Variants in PIK3R5 observed in about 807,000 individuals in gnomAD.
PIK3R5 encodes phosphoinositide-3-kinase regulatory subunit 5.
PIK3R5 carries 32 observed loss-of-function variants against 94.9 expected under a neutral mutation model. That is an observed-to-expected ratio of 0.34 (90% confidence interval 0.25 to 0.45). The LOEUF (loss-of-function observed/expected upper bound fraction) is 0.45. Ranked by LOEUF, PIK3R5 falls within the 20% of genes least tolerant of loss-of-function variation. PIK3R5 has a pLI of 1.00. For missense variants in PIK3R5, 853 were observed against 1,144.6 expected, an observed-to-expected ratio of 0.75 and a Z score of 3.68; for synonymous variants, 443 against 479.4, an observed-to-expected ratio of 0.92 and a Z score of 0.99.
intron 1 of PIK3R5, among the ~76,000 whole-genome samples, chr17:8,964,292 G>A (rs927810910): frequency 6.6e-6 from 1 of 151,960 alleles, no homozygotes; most frequent in South Asian, 2.1e-4. Flanking sequence ...CTTGGGAGGC[G>A]GAGGCGGAGG....
Position 8,893,438 on chromosome 17 carries a change from A to G in PIK3R5, c.482+148T>C, listed in dbSNP as rs940385189. 6.1e-6 allele frequency: 4 copies of G among 657,326 alleles called. No homozygotes were observed. In the African/African-American group the frequency reaches 7.2e-5, roughly 12 times the overall value. The allele number at this position is 657,326 out of a possible 1,614,324, so 40.7% of individuals were successfully genotyped here. A position where few individuals can be genotyped will look rare whatever the true frequency, so the allele number is the denominator to read the frequency against. On this transcript the variant is annotated intron_variant, in intron 6 of 18. Transcript: ENST00000447110. This position sits in a 1 kb window ranked among gnomAD's most constrained non-coding sequence, Gnocchi z 5.1. ...TCACCAGCAGTGCCAGGGGGTTCCC[A>G]GTTCCCTGGAAGCCTGTTTGTTGCT... is the stretch of plus-strand genomic sequence containing the variant.
rs2089644671 is a variant in PIK3R5, at chr17:8,881,054, C to A, written c.2383-37G>T. 2 of 1,447,042 alleles carry A rather than the reference C, an allele frequency of 1.4e-6. No individual in the cohort carries two copies. Among genetic ancestry groups the A allele is most frequent in the Non-Finnish European group, 1.9e-6 (2 of 1,027,266 alleles). 89.6% of individuals were successfully genotyped at this position (1,447,042 alleles called of 1,614,324 possible). A position where few individuals can be genotyped will look rare whatever the true frequency, so the allele number is the denominator to read the frequency against. ...GCCCAGGTCAGCCCCAAATCCCTGG[C>A]CATCCAACACTGCCAGCCCCTGGCA... On this transcript the variant is annotated intron_variant, in intron 17 of 18. Transcript: ENST00000447110. This position sits in a 1 kb window ranked among gnomAD's most constrained non-coding sequence, Gnocchi z 4.8.
chr17:8,954,192 C>A (rs1336439952), intron 1 of PIK3R5, among the ~76,000 whole-genome samples: 1 of 152,214 alleles, frequency 6.6e-6, no homozygotes, highest in Non-Finnish European at 1.5e-5. Context: ...ACATTAGACT[C>A]AGAGGGAGGG....
rs2151399193 is a variant in PIK3R5, at chr17:8,904,649, C to T, written c.412+128G>A. 1.1e-6 allele frequency: 1 copy of T among 875,770 alleles called. No homozygotes were observed. Among genetic ancestry groups the T allele is most frequent in the African/African-American group, 1.7e-5 (1 of 60,032 alleles). 54.2% of individuals were successfully genotyped at this position (875,770 alleles called of 1,614,324 possible). ...GAAGAGGAGACTCCATGTTTGTGAA[C>T]CAAGGCGTTGGCAGAGATGAATCAA... is the stretch of plus-strand genomic sequence containing the variant. On this transcript the variant is annotated intron_variant, in intron 5 of 18. Coordinates refer to ENST00000447110, the MANE Select transcript of PIK3R5 (RefSeq NM_001142633.3). The surrounding 1 kb of genome is among the most constrained non-coding windows in gnomAD (Gnocchi z 5.1).
chr17:8,893,707 G>A lies in PIK3R5; in HGVS notation c.413-52C>T, dbSNP rs780634854. 24 of 1,390,570 alleles carry A rather than the reference G, an allele frequency of 1.7e-5. No homozygotes were observed. The highest frequency in any genetic ancestry group is 8.5e-5 in the African/African-American group (6 of 70,522). 86.1% of individuals were successfully genotyped at this position (1,390,570 alleles called of 1,614,324 possible). On this transcript the variant is annotated intron_variant, in intron 5 of 18. Transcript: ENST00000447110. This position sits in a 1 kb window ranked among gnomAD's most constrained non-coding sequence, Gnocchi z 5.1. ...TGGGCTGATCAGTTCCTTCAGCATCGTCCGTGTGCCTCGTGGGGAGCCAAG... is the reference window on the plus strand; with the variant it reads ...TGGGCTGATCAGTTCCTTCAGCATCATCCGTGTGCCTCGTGGGGAGCCAAG...
In PIK3R5 at chr17:8,884,949, G is replaced by A. The variant is rs770182825; in HGVS notation, c.2129-166C>T. The A allele has an allele frequency of 6.3e-5, 39 of 618,226 alleles. No individual in the cohort carries two copies. The highest frequency in any genetic ancestry group is 1.0e-4 in the Non-Finnish European group (36 of 343,136). The allele number at this position is 618,226 out of a possible 1,614,324, so 38.3% of individuals were successfully genotyped here. A position where few individuals can be genotyped will look rare whatever the true frequency, so the allele number is the denominator to read the frequency against. ...GCCCTGCCTCTCTCTCTGGCTCCAC[G>A]TTCTGGGGATCTCCACCTCCTCAGT... On this transcript the variant is annotated intron_variant, in intron 14 of 18. Transcript: ENST00000447110. The surrounding 1 kb of genome is among the most constrained non-coding windows in gnomAD (Gnocchi z 5.8).
rs575396732 is a variant in PIK3R5, at chr17:8,905,591, G to A, written c.273+78C>T. 20 of 1,041,500 alleles carry A rather than the reference G, an allele frequency of 1.9e-5. 1 individual carries two copies. The South Asian group carries it at 2.5e-4, about 13-fold the overall frequency. 64.5% of individuals were successfully genotyped at this position (1,041,500 alleles called of 1,614,324 possible). On this transcript the variant is annotated intron_variant, in intron 4 of 18. Coordinates refer to ENST00000447110, the MANE Select transcript of PIK3R5 (RefSeq NM_001142633.3). ...TCTCTCTCTGCTTATCTCCAGAGGT[G>A]TGAGGGCTCTGCCCCAGATAGAGGT... is the stretch of plus-strand genomic sequence containing the variant.
intron 1 of PIK3R5, among the ~76,000 whole-genome samples, chr17:8,942,737 C>G (rs1367933836): frequency 6.6e-6 from 1 of 152,098 alleles, no homozygotes; most frequent in Non-Finnish European, 1.5e-5. Flanking sequence ...TCCTGAGTAG[C>G]TGGGACTACA....
chr17:8,934,121 A>T (rs971298118), intron 1 of PIK3R5, among the ~76,000 whole-genome samples: 2 of 152,208 alleles, frequency 1.3e-5, no homozygotes, highest in African/African-American at 2.4e-5. Context: ...ACACGTATAT[A>T]TCAGGGAGGA....
intron 14 of PIK3R5, chr17:8,885,221 C>G (rs968598178): frequency 1.3e-5 from 3 of 225,694 alleles, no homozygotes; most frequent in African/African-American, 4.7e-5. Context: ...TCCCATGTAA[C>G]CCCCCTTCCC....
intron 1 of PIK3R5, among the ~76,000 whole-genome samples, chr17:8,941,295 A>T (rs185296876): frequency 6.6e-6 from 1 of 152,158 alleles, no homozygotes; most frequent in Admixed American, 6.5e-5. Context: ...GCACATTTCC[A>T]TGGTTCTCTG....
At chr17:8,907,020 T>G (rs1278635034) in intron 3 of PIK3R5, among the ~76,000 whole-genome samples, 1 of 152,128 alleles carries the variant, frequency 6.6e-6, no homozygotes, top group Non-Finnish European at 1.5e-5. Context: ...CCTCCATAAC[T>G]TATTAGTTTC....
intron 1 of PIK3R5, among the ~76,000 whole-genome samples, chr17:8,936,845 A>G (rs2091086592): frequency 1.3e-5 from 2 of 152,246 alleles, no homozygotes; most frequent in Admixed American, 6.5e-5. Context: ...AGATAAAACT[A>G]AAAGAACTGA....
Position 8,881,059 on chromosome 17 carries a change from C to T in PIK3R5, c.2383-42G>A. On this transcript the variant is annotated intron_variant, in intron 17 of 18. Transcript: ENST00000447110. The surrounding 1 kb of genome is among the most constrained non-coding windows in gnomAD (Gnocchi z 4.8). Reference sequence around the variant, plus strand: ...GGTCAGCCCCAAATCCCTGGCCATCCAACACTGCCAGCCCCTGGCAGTTCC... The same window carrying T: ...GGTCAGCCCCAAATCCCTGGCCATCTAACACTGCCAGCCCCTGGCAGTTCC... The T allele has an allele frequency of 7.1e-7, 1 of 1,409,474 alleles. No homozygotes were observed. Among genetic ancestry groups the T allele is most frequent in the African/African-American group, 1.4e-5 (1 of 71,124 alleles). The allele number at this position is 1,409,474 out of a possible 1,614,324, so 87.3% of individuals were successfully genotyped here.
intron 1 of PIK3R5, among the ~76,000 whole-genome samples, chr17:8,940,568 T>C (rs1338920568): frequency 6.6e-6 from 1 of 152,154 alleles, no homozygotes; most frequent in Admixed American, 6.5e-5. Flanking sequence ...TTTGTTTTTG[T>C]TTTTGTTTTT....
At chr17:8,908,927 C>G (rs1427440355) in intron 3 of PIK3R5, 147 bp downstream of exon 3, 4 of 591,996 alleles carry the variant, frequency 6.8e-6, no homozygotes, top group Middle Eastern at 8.7e-4. Flanking sequence ...GCAAGTGCTA[C>G]CGAAACACAA....
intron 5 of PIK3R5, among the ~76,000 whole-genome samples, chr17:8,903,834 C>T (rs934720086): frequency 2.6e-4 from 39 of 152,180 alleles, no homozygotes; most frequent in South Asian, 6.2e-4. Flanking sequence ...CTCTCAGTCT[C>T]GACAGAAAAC....
chr17:8,881,049 C>T lies in PIK3R5; in HGVS notation c.2383-32G>A. On this transcript the variant is annotated intron_variant, in intron 17 of 18. Transcript: ENST00000447110. The surrounding 1 kb of genome is among the most constrained non-coding windows in gnomAD (Gnocchi z 4.8). ...GGAAGGCCCAGGTCAGCCCCAAATCCCTGGCCATCCAACACTGCCAGCCCC... is the reference window on the plus strand; with the variant it reads ...GGAAGGCCCAGGTCAGCCCCAAATCTCTGGCCATCCAACACTGCCAGCCCC... 2 of 1,525,556 alleles carry T rather than the reference C, an allele frequency of 1.3e-6. No homozygotes were observed. Among genetic ancestry groups the T allele is most frequent in the Non-Finnish European group, 1.8e-6 (2 of 1,099,088 alleles). 94.5% of individuals were successfully genotyped at this position (1,525,556 alleles called of 1,614,324 possible).
chr17:8,961,963 C>T (rs1352698277), intron 1 of PIK3R5, among the ~76,000 whole-genome samples: 1 of 152,230 alleles, frequency 6.6e-6, no homozygotes, highest in Admixed American at 6.5e-5. Flanking sequence ...TAGCTGCTAT[C>T]CTACAAGCAA....
Sources: gnomAD v4.1 joint callset for allele counts (sites outside exome capture counted in the v4.1 genomes callset) on GRCh38, gnomAD v4.1.1 for gene constraint, Gnocchi (gnomAD v3.1) non-coding constraint, MANE v1.5 for transcripts, NCBI Gene and HGNC (gene_info 2026-07-23, HGNC 2026-07-21) for gene names.